The following CAMK2A variants were observed in gnomAD, a reference collection of about 807,000 sequenced individuals.
CAMK2A encodes the protein calcium/calmodulin-dependent protein kinase type II subunit alpha.
A neutral mutation model predicts 79.2 loss-of-function variants in CAMK2A; 7 were observed. The ratio of observed to expected loss-of-function variants is 0.09; its 90% CI spans 0.05 to 0.17. The LOEUF (loss-of-function observed/expected upper bound fraction) is 0.17, where lower values mean the gene tolerates loss of function less well. CAMK2A is among the 10% of genes least tolerant of loss of function. The pLI, the probability that CAMK2A is intolerant of heterozygous loss-of-function variation, is 1.00. For synonymous variants in CAMK2A, 242 were observed against 251.7 expected, an observed-to-expected ratio of 0.96 and a Z score of 0.36; for missense variants, 214 against 646.4, an observed-to-expected ratio of 0.33 and a Z score of 7.25.
chr5:150,273,319 G>C (rs557876385), intron 1 of CAMK2A, among the ~76,000 whole-genome samples, 160 bp from the exon 2 acceptor site: 1 of 152,128 alleles, frequency 6.6e-6, no homozygotes, highest in Non-Finnish European at 1.5e-5. Flanking sequence ...GGGACACAGC[G>C]AGGCCAGAGA....
In CAMK2A at chr5:150,256,998, G is replaced by A. The variant is rs2150285099; in HGVS notation, c.273-167C>T. ...TGTCCCCTGCTGCAATGCCCTTCCT[G>A]TCTTCCAGAGCACCCTTCCATTGAC... On this transcript the variant is annotated intron_variant, in intron 4 of 18. Coordinates refer to ENST00000671881, the MANE Select transcript of CAMK2A (RefSeq NM_015981.4). This position sits in a 1 kb window ranked among gnomAD's most constrained non-coding sequence, Gnocchi z 4.6. Among the ~76,000 whole-genome samples, 1 of 152,274 alleles carries A rather than the reference G, an allele frequency of 6.6e-6. No individual in the cohort carries two copies. The highest frequency in any genetic ancestry group is 2.4e-5 in the African/African-American group (1 of 41,538).
intron 13 of CAMK2A, among the ~76,000 whole-genome samples, chr5:150,244,652 G>T (rs1242964355): frequency 6.6e-6 from 1 of 152,194 alleles, no homozygotes; most frequent in Non-Finnish European, 1.5e-5. Flanking sequence ...ACCAGCACCA[G>T]CAAGCCTTGC....
intron 1 of CAMK2A, among the ~76,000 whole-genome samples, chr5:150,273,612 A>ATGT (rs1756839707): frequency 6.6e-6 from 1 of 151,950 alleles, no homozygotes; most frequent in Non-Finnish European, 1.5e-5. Context: ...AGAGATTACC[A>ATGT]CTGTTACCAT....
At chr5:150,279,906 G>C (rs1757140080) in intron 1 of CAMK2A, among the ~76,000 whole-genome samples, 1 of 152,206 alleles carries the variant, frequency 6.6e-6, no homozygotes, top group Non-Finnish European at 1.5e-5. Flanking sequence ...GGGTGTAGCT[G>C]GCTGCCAGCC....
intron 17 of CAMK2A, among the ~76,000 whole-genome samples, chr5:150,225,048 GAGA>G (rs1754528576): frequency 6.7e-6 from 1 of 149,716 alleles, no homozygotes; most frequent in African/African-American, 2.5e-5. Flanking sequence ...TAGGGAGAGA[GAGA>G]GAGAGAGAGA....
At chr5:150,226,046 G>A (rs566215639) in intron 17 of CAMK2A, among the ~76,000 whole-genome samples, 149 of 152,200 alleles carry the variant, frequency 9.8e-4, no homozygotes, top group African/African-American at 3.0e-3. Flanking sequence ...GCACCCGGCC[G>A]AGAATTCAAT....
rs567941126 is a variant in CAMK2A, at chr5:150,284,557, G to A, written c.62+5007C>T. Among the ~76,000 whole-genome samples the A allele has an allele frequency of 2.0e-5, 3 of 152,274 alleles. No individual in the cohort carries two copies. Among genetic ancestry groups the A allele is most frequent in the South Asian group, 2.1e-4 (1 of 4,814 alleles). The stretch of plus-strand genomic sequence containing the variant: ...AGTGTGTCTCAGCCTGTGTGGGGGC[G>A]GCTGCGCGGGGGCGGAGGGCTGCAG... On this transcript the variant is annotated intron_variant, in intron 1 of 18. Transcript: ENST00000671881. The surrounding 1 kb of genome is among the most constrained non-coding windows in gnomAD (Gnocchi z 5.3).
At chr5:150,229,486 TG>T (rs1239811502) in intron 16 of CAMK2A, among the ~76,000 whole-genome samples, 1 of 152,134 alleles carries the variant, frequency 6.6e-6, no homozygotes, top group African/African-American at 2.4e-5. Flanking sequence ...ATTGTACATA[TG>T]GGGAAACTGA....
chr5:150,257,836 A>T (rs1469530505), intron 3 of CAMK2A, among the ~76,000 whole-genome samples: 2 of 152,168 alleles, frequency 1.3e-5, no homozygotes, highest in African/African-American at 2.4e-5. Context: ...CTGGGCTTCA[A>T]CATGAAAGAT....
At chr5:150,278,468 C>G (rs1757056892) in intron 1 of CAMK2A, among the ~76,000 whole-genome samples, 1 of 151,968 alleles carries the variant, frequency 6.6e-6, no homozygotes, top group Admixed American at 6.6e-5. Flanking sequence ...GAAGAGCCAG[C>G]CCACTCCTCT....
chr5:150,240,630 C>T (rs1755295706), intron 13 of CAMK2A, among the ~76,000 whole-genome samples: 1 of 152,212 alleles, frequency 6.6e-6, no homozygotes, highest in Non-Finnish European at 1.5e-5. Context: ...CTTAAAGACT[C>T]CCATTCACAG....
chr5:150,238,575 G>T (rs780053043), intron 15 of CAMK2A, 125 bp downstream of exon 15: 1 of 954,164 alleles, frequency 1.0e-6, no homozygotes, highest in East Asian at 2.6e-5. Context: ...TAAGGCACCA[G>T]AGCGAAGCTC....
intron 1 of CAMK2A, among the ~76,000 whole-genome samples, chr5:150,273,896 A>G (rs1756851269): frequency 6.6e-6 from 1 of 152,198 alleles, no homozygotes; most frequent in South Asian, 2.1e-4. Flanking sequence ...TGTGCATTAG[A>G]ATTATATCTC....
intron 4 of CAMK2A, among the ~76,000 whole-genome samples, chr5:150,257,143 C>T (rs1580929494): frequency 6.6e-6 from 1 of 152,188 alleles, no homozygotes; most frequent in Non-Finnish European, 1.5e-5. Context: ...TATGGCCTCC[C>T]CCATGATCAA....
At chr5:150,241,881 C>T (rs1391931534) in intron 13 of CAMK2A, among the ~76,000 whole-genome samples, 1 of 152,148 alleles carries the variant, frequency 6.6e-6, no homozygotes, top group African/African-American at 2.4e-5. Flanking sequence ...TGGAGCCAGG[C>T]CAGGCACAGA....
intron 1 of CAMK2A, among the ~76,000 whole-genome samples, chr5:150,277,902 G>A (rs981296643): frequency 6.6e-6 from 1 of 152,208 alleles, no homozygotes; most frequent in African/African-American, 2.4e-5. Flanking sequence ...GAGGCCTCAA[G>A]TGAGCAGGCA....
chr5:150,257,167 A>G (rs951048487), intron 4 of CAMK2A, among the ~76,000 whole-genome samples: 12 of 152,092 alleles, frequency 7.9e-5, no homozygotes, highest in Admixed American at 5.9e-4. Context: ...CTCAAAGGCT[A>G]TTTTTTATCG....
intron 11 of CAMK2A, among the ~76,000 whole-genome samples, chr5:150,248,470 T>C (rs550008350): frequency 6.9e-6 from 1 of 145,560 alleles, no homozygotes; most frequent in South Asian, 2.3e-4. Flanking sequence ...TATCTCCTAA[T>C]GCTATCCCTC....
Position 150,241,151 on chromosome 5 carries a change from C to T in CAMK2A, c.985-1415G>A, listed in dbSNP as rs141214324. ...AACTCAAGGCCCTGTGCCTTCCATC[C>T]GGGGCCTCCACAGAAGGGATGGGGT... On this transcript the variant is annotated intron_variant, in intron 13 of 18. Transcript: ENST00000671881. Among the ~76,000 whole-genome samples, 177 of 152,314 alleles carry T rather than the reference C, an allele frequency of 1.2e-3. 1 individual carries two copies. In the Middle Eastern group the frequency reaches 0.014, roughly 12 times the overall value.
Sources: gnomAD v4.1 joint callset for allele counts (sites outside exome capture counted in the v4.1 genomes callset) on GRCh38, gnomAD v4.1.1 for gene constraint, Gnocchi (gnomAD v3.1) non-coding constraint, MANE v1.5 for transcripts, NCBI Gene and HGNC (gene_info 2026-07-23, HGNC 2026-07-21) for gene names.